Variants in ABCB1 observed in about 807,000 individuals in gnomAD.
ABCB1 encodes ATP binding cassette subfamily B member 1.
In ABCB1, 69 loss-of-function variants were observed where a neutral mutation model predicts 142.0. The observed-to-expected ratio is 0.49, with a 90% CI of 0.40 to 0.59. ABCB1 has a LOEUF of 0.59. ABCB1 is among the 20% of genes least tolerant of loss of function. The probability of loss-of-function intolerance (pLI) is 0.00; values close to 1 mark genes in which losing one functional copy is unlikely to be tolerated. For missense variants in ABCB1, 1,326 were observed against 1,554.7 expected, an observed-to-expected ratio of 0.85 and a Z score of 2.47; for synonymous variants, 532 against 539.2, an observed-to-expected ratio of 0.99 and a Z score of 0.18.
intron 1 of ABCB1, among the ~76,000 whole-genome samples, chr7:87,652,621 G>GAGATATATATATATATAT (rs374832268): frequency 5.1e-4 from 64 of 125,374 alleles, no homozygotes; most frequent in African/African-American, 2.0e-3. Context: ...TGTGGTCACT[G>GAGATATATATATATATAT]ATATATATAT....
At chr7:87,521,410 C>T (rs1345212708) in intron 21 of ABCB1, 6 of 647,302 alleles carry the variant, frequency 9.3e-6, no homozygotes, top group South Asian at 3.6e-5. Flanking sequence ...CCTTTCTGCC[C>T]GTGGACGCCA....
chr7:87,578,026 C>T (rs189281244), intron 4 of ABCB1, among the ~76,000 whole-genome samples: 11 of 152,208 alleles, frequency 7.2e-5, no homozygotes, highest in African/African-American at 2.2e-4. Context: ...TTTCCAGTGT[C>T]TTCTTTTAGT....
At chr7:87,577,210 C>T (rs991967448) in intron 4 of ABCB1, among the ~76,000 whole-genome samples, 2 of 152,122 alleles carry the variant, frequency 1.3e-5, no homozygotes, top group African/African-American at 4.8e-5. Flanking sequence ...AATATAATCT[C>T]CTCCAGTTCC....
rs1466494570 is a variant in ABCB1 at position 87,503,924 on chromosome 7, C to T, written c.*319G>A. 1.1e-5 allele frequency: 4 copies of T among 369,812 alleles called. No individual in the cohort carries two copies. The East Asian group carries it at 2.4e-4, about 22-fold the overall frequency. The allele number at this position is 369,812 out of a possible 1,614,324, so 22.9% of individuals were successfully genotyped here. A position where few individuals can be genotyped will look rare whatever the true frequency, so the allele number is the denominator to read the frequency against. ...GCAAACATTTCAATACTTTTTGCTA[C>T]TTCTATAATCTTTTAGCAAGGCAGT... On this transcript the variant is annotated 3_prime_UTR_variant, in exon 28 of 28. Transcript: ENST00000622132.
intron 7 of ABCB1, among the ~76,000 whole-genome samples, chr7:87,564,661 A>G (rs1458628274): frequency 1.3e-5 from 2 of 152,180 alleles, no homozygotes; most frequent in Non-Finnish European, 2.9e-5. Flanking sequence ...TTTTGATATG[A>G]TTGACATCCA....
At chr7:87,638,999 A>G (rs998249223) in intron 1 of ABCB1, among the ~76,000 whole-genome samples, 1 of 152,168 alleles carries the variant, frequency 6.6e-6, no homozygotes, top group Non-Finnish European at 1.5e-5. Context: ...AAAAATACAA[A>G]AAATTAGCCA....
intron 2 of ABCB1, among the ~76,000 whole-genome samples, chr7:87,598,654 C>G (rs990551654): frequency 6.6e-6 from 1 of 152,188 alleles, no homozygotes; most frequent in Admixed American, 6.5e-5. Context: ...TTCTCTACCT[C>G]TCACACTTTC....
intron 1 of ABCB1, among the ~76,000 whole-genome samples, chr7:87,676,412 G>T (rs1826360232): frequency 6.6e-6 from 1 of 151,786 alleles, no homozygotes; most frequent in Non-Finnish European, 1.5e-5. Context: ...TAAAAAATGG[G>T]CAAAGAGGCC....
intron 1 of ABCB1, chr7:87,628,957 C>G: frequency 7.6e-7 from 1 of 1,308,616 alleles, no homozygotes. Context: ...TACGGCAGCG[C>G]AGGGCGAGGG....
At chr7:87,585,251 T>G (rs892358708) in intron 4 of ABCB1, among the ~76,000 whole-genome samples, 1 of 152,208 alleles carries the variant, frequency 6.6e-6, no homozygotes, top group Non-Finnish European at 1.5e-5. Context: ...TATTTCTTCT[T>G]GAAGCTTTCC....
intron 22 of ABCB1, among the ~76,000 whole-genome samples, chr7:87,519,714 G>C (rs1202764134): frequency 6.6e-6 from 1 of 152,170 alleles, no homozygotes; most frequent in Non-Finnish European, 1.5e-5. Context: ...TTGATGTAAA[G>C]AGAAAATAAT....
rs1179063316 is a variant in ABCB1 at position 87,544,978 on chromosome 7, A to G, written c.1909T>C (p.Leu637=). Residue 637 remains leucine, a synonymous_variant, in exon 16 of 28, where the codon TTA becomes CTA. Coordinates refer to ENST00000622132, the MANE Select transcript of ABCB1 (RefSeq NM_001348946.2). ...TTGGATTCATCAGCTGCATTTTCTAATTCAACTTCATTTCCTGCTGTCTAA... is the reference window on the plus strand; with the variant it reads ...TTGGATTCATCAGCTGCATTTTCTAGTTCAACTTCATTTCCTGCTGTCTAA... ...TMQTAGNEVE[L]ENAADESKSE... 1.4e-5 allele frequency: 22 copies of G among 1,613,844 alleles called. No homozygotes were observed. The highest frequency in any genetic ancestry group is 1.9e-5 in the Non-Finnish European group (22 of 1,179,970).
chr7:87,537,896 T>C (rs1472543009), intron 19 of ABCB1, among the ~76,000 whole-genome samples: 1 of 152,214 alleles, frequency 6.6e-6, no homozygotes, highest in Non-Finnish European at 1.5e-5. Flanking sequence ...ACTGGTTATT[T>C]ACATTAAAGA....
intron 26 of ABCB1, among the ~76,000 whole-genome samples, chr7:87,506,773 T>G (rs1036503956): frequency 1.3e-5 from 2 of 152,220 alleles, no homozygotes; most frequent in African/African-American, 4.8e-5. Context: ...CAATACTATC[T>G]TATTATTTCC....
intron 1 of ABCB1, among the ~76,000 whole-genome samples, chr7:87,628,143 G>A (rs1231971709): frequency 6.6e-6 from 1 of 152,198 alleles, no homozygotes; most frequent in East Asian, 1.9e-4. Context: ...ATAGGCCCCT[G>A]GCGCTGTGGG....
intron 1 of ABCB1, among the ~76,000 whole-genome samples, chr7:87,698,372 G>A (rs1388677535): frequency 1.3e-5 from 2 of 152,260 alleles, no homozygotes; most frequent in Non-Finnish European, 1.5e-5. Context: ...GGGATTACAG[G>A]CGTGAGCCAC....
At chr7:87,631,964 G>A (rs1821267244) in intron 1 of ABCB1, among the ~76,000 whole-genome samples, 1 of 152,206 alleles carries the variant, frequency 6.6e-6, no homozygotes, top group Admixed American at 6.5e-5. Flanking sequence ...TTCCAAATAT[G>A]AGCAGGGTAA....
chr7:87,693,981 C>T (rs1312026155), intron 1 of ABCB1: 6 of 1,611,064 alleles, frequency 3.7e-6, no homozygotes, highest in East Asian at 2.2e-5. Flanking sequence ...GGTGATGTCT[C>T]CCGCCACTGA....
chr7:87,665,001 C>T (rs992003031), intron 1 of ABCB1, among the ~76,000 whole-genome samples: 1 of 152,090 alleles, frequency 6.6e-6, no homozygotes, highest in African/African-American at 2.4e-5. Flanking sequence ...GCATCATATT[C>T]AGTGGTAAAA....
Sources: allele counts gnomAD v4.1 joint callset (sites outside exome capture counted in the v4.1 genomes callset), GRCh38; gene constraint gnomAD v4.1.1; transcripts MANE v1.5; gene names NCBI Gene and HGNC (gene_info 2026-07-23, HGNC 2026-07-21).